MAP3K8: variants seen among roughly 807,000 people sequenced by gnomAD.
MAP3K8 encodes mitogen-activated protein kinase kinase kinase 8, also known as Ewing sarcoma transformant.
In MAP3K8, 22 loss-of-function variants were observed where a neutral mutation model predicts 45.8. The ratio of observed to expected loss-of-function variants is 0.48; its 90% confidence interval spans 0.34 to 0.69. MAP3K8 has a LOEUF of 0.69. Ranked by LOEUF, MAP3K8 falls within the 30% of genes least tolerant of loss-of-function variation. The pLI, the probability that MAP3K8 is intolerant of heterozygous loss-of-function variation, is 0.01. For synonymous variants in MAP3K8, 223 were observed against 214.3 expected (o/e 1.04, Z -0.36); for missense variants, 419 against 585.0 (o/e 0.72, Z 2.93).
chr10:30,459,154 G>T (rs1836845835), intron 7 of MAP3K8, 101 bp from the exon 8 acceptor site: 3 of 1,296,586 alleles, frequency 2.3e-6, no homozygotes, highest in Non-Finnish European at 3.3e-6. Flanking sequence ...AGGGCATGTG[G>T]TGGAAAACGG....
intron 1 of MAP3K8, among the ~76,000 whole-genome samples, chr10:30,435,115 A>T (rs1323590566): frequency 6.6e-6 from 1 of 152,240 alleles, no homozygotes; most frequent in African/African-American, 2.4e-5. Flanking sequence ...CTCCATAGTT[A>T]ACAGGGGAAG....
intron 4 of MAP3K8, among the ~76,000 whole-genome samples, chr10:30,448,400 G>A (rs1353595543): frequency 7.8e-6 from 1 of 128,924 alleles, no homozygotes; most frequent in Admixed American, 8.0e-5. Flanking sequence ...TGATTGAAAA[G>A]ACCCTATCCC....
chr10:30,451,855 A>G (rs1159806853), intron 6 of MAP3K8, 111 bp downstream of exon 6: 5 of 548,212 alleles, frequency 9.1e-6, no homozygotes, highest in Admixed American at 3.3e-5. Context: ...AACCCACTGC[A>G]TTAAATCATT....
Position 30,460,817 on chromosome 10 carries a change from CAA to C in MAP3K8, c.1386_1387del (p.Thr463AlafsTer2). On this transcript the variant is annotated frameshift_variant, in exon 9 of 9. Transcript: ENST00000263056. LOFTEE classifies it high-confidence loss of function. ...TACTTCAATCTTGTTCGGGGACCAC[CAA>C]CGCTTGAATATGGCTGAAGGATGCC... 1 of 1,613,792 alleles carries C rather than the reference CAA, an allele frequency of 6.2e-7. No homozygotes were observed.
intron 5 of MAP3K8, 114 bp from the exon 6 acceptor site, chr10:30,451,524 G>A (rs112402171): frequency 4.3e-5 from 23 of 536,172 alleles, no homozygotes; most frequent in African/African-American, 3.8e-4. Flanking sequence ...TCTCACTAGA[G>A]GAAGCATTTC....
At chr10:30,439,601 G>T (rs181343830) in intron 3 of MAP3K8, 104 of 412,868 alleles carry the variant, frequency 2.5e-4, no homozygotes, top group African/African-American at 1.7e-3. Flanking sequence ...CTTGAGGTCA[G>T]CAATTAGAGA....
chr10:30,438,595 T>G (rs1269294990), intron 2 of MAP3K8, among the ~76,000 whole-genome samples: 1 of 152,252 alleles, frequency 6.6e-6, no homozygotes. Flanking sequence ...CAAAGATTTC[T>G]GAGCTGCTCT....
At chr10:30,437,681 G>A (rs1835958760) in intron 2 of MAP3K8, among the ~76,000 whole-genome samples, 1 of 152,184 alleles carries the variant, frequency 6.6e-6, no homozygotes, top group Admixed American at 6.5e-5. Flanking sequence ...TCACTGAGAG[G>A]CAGATGGCTG....
chr10:30,443,498 A>G (rs570153795), intron 3 of MAP3K8, among the ~76,000 whole-genome samples: 3 of 152,230 alleles, frequency 2.0e-5, no homozygotes, highest in Admixed American at 6.5e-5. Flanking sequence ...GAATTGTACT[A>G]TTAACTCTCT....
At position 30,447,879 on chromosome 10, in the gene MAP3K8, C is replaced by T; in HGVS notation, c.434C>T (p.Pro145Leu). The change falls in exon 4 of 9, where the codon CCT (proline) becomes CTT (leucine). Residue 145 changes from proline (P) to leucine (L), a missense_variant. This residue lies in a region of MAP3K8 where 209 missense variants were observed against 367.3 expected (regional missense o/e 0.57). Coordinates refer to ENST00000263056, the MANE Select transcript of MAP3K8 (RefSeq NM_005204.4). ...AGGAATATTGGTTCTGATTTTATTCCTCGGGGCGCCTTTGGAAAGGTATAC... is the reference window on the plus strand; with the variant it reads ...AGGAATATTGGTTCTGATTTTATTCTTCGGGGCGCCTTTGGAAAGGTATAC... ...TYRNIGSDFIPRGAFGKVYLA... is the reference protein window; with the variant it reads ...TYRNIGSDFILRGAFGKVYLA... The T allele has an allele frequency of 6.2e-7, 1 of 1,613,824 alleles. No homozygotes were observed. Among genetic ancestry groups the T allele is most frequent in the Non-Finnish European group, 8.5e-7 (1 of 1,179,912 alleles).
chr10:30,454,519 T>A (rs1376175809), intron 6 of MAP3K8, among the ~76,000 whole-genome samples: 1 of 151,914 alleles, frequency 6.6e-6, no homozygotes, highest in Non-Finnish European at 1.5e-5. Context: ...GAGCTGTGAT[T>A]ATGCCACTGC....
chr10:30,461,139 T>G lies in MAP3K8; in HGVS notation c.*303T>G. 1 of 300,370 alleles carries G rather than the reference T, an allele frequency of 3.3e-6. No homozygotes were observed. Among genetic ancestry groups the G allele is most frequent in the Non-Finnish European group, 6.2e-6 (1 of 161,906 alleles). The allele number at this position is 300,370 out of a possible 1,614,324, so 18.6% of individuals were successfully genotyped here. The stretch of plus-strand genomic sequence containing the variant: ...TTCACTGTGCACTTTGCTCAAAATT[T>G]TAAAAATACCAATCACAAGGATAAT... On this transcript the variant is annotated 3_prime_UTR_variant, in exon 9 of 9. Transcript: ENST00000263056.
chr10:30,439,673 G>A (rs1218954912), intron 3 of MAP3K8, among the ~76,000 whole-genome samples: 1 of 152,134 alleles, frequency 6.6e-6, no homozygotes, highest in African/African-American at 2.4e-5. Flanking sequence ...GCCTGGCATG[G>A]TGGCGGGTGC....
chr10:30,446,173 G>A (rs781160339), intron 3 of MAP3K8, among the ~76,000 whole-genome samples: 4 of 152,164 alleles, frequency 2.6e-5, no homozygotes, highest in South Asian at 2.1e-4. Flanking sequence ...GATTATAGGC[G>A]TGAGCCACCG....
At chr10:30,435,024 A>G (rs1835868413) in intron 1 of MAP3K8, among the ~76,000 whole-genome samples, 1 of 152,164 alleles carries the variant, frequency 6.6e-6, no homozygotes, top group African/African-American at 2.4e-5. Context: ...ATTTTCACGG[A>G]AGTTGTTTTC....
At chr10:30,450,680 C>A (rs139071401) in intron 5 of MAP3K8, 161 bp downstream of exon 5, 3 of 632,786 alleles carry the variant, frequency 4.7e-6, no homozygotes, top group African/African-American at 3.7e-5. Context: ...TAGAATCATG[C>A]GGGGTTACTA....
rs372120772 is a variant in MAP3K8 at position 30,438,980 on chromosome 10, T to C, written c.42T>C (p.Ile14=). The C allele has an allele frequency of 3.7e-6, 6 of 1,612,324 alleles. No homozygotes were observed. In the Admixed American group the frequency reaches 5.0e-5, roughly 13 times the overall value. ...CTGGAAGTGACAATAAAGAAGAGATTGATTTATTAATTAAACATTTAAATG... is the reference window on the plus strand; with the variant it reads ...CTGGAAGTGACAATAAAGAAGAGATCGATTTATTAATTAAACATTTAAATG... ...MSTGSDNKEE[I]DLLIKHLNVS... Residue 14 remains isoleucine (I), a synonymous_variant, in exon 3 of 9, where the codon ATT becomes ATC. Transcript: ENST00000263056.
rs8176975 is a variant in MAP3K8, at chr10:30,440,905, G to A, written c.336+1631G>A. On this transcript the variant is annotated intron_variant, in intron 3 of 8. Transcript: ENST00000263056. ...TTGCTTGTAAATATGCAAAGACTTA[G>A]GTATGTTTGCTTATTCCGTGGCCTA... Among the ~76,000 whole-genome samples, 1,342 of 152,172 alleles carry A rather than the reference G, an allele frequency of 8.8e-3. 21 individuals carry two copies. The highest frequency in any genetic ancestry group is 0.031 in the African/African-American group (1,283 of 41,500).
At chr10:30,434,849 G>A in intron 1 of MAP3K8, 1 of 901,670 alleles carries the variant, frequency 1.1e-6, no homozygotes, top group Non-Finnish European at 1.3e-6. Context: ...AGAACCAGGA[G>A]GAAAGGAGTG....
Sources: gnomAD v4.1 joint callset for allele counts (sites outside exome capture counted in the v4.1 genomes callset) on GRCh38, gnomAD v4.1.1 for gene constraint, gnomAD v4.1.1 regional missense constraint, MANE v1.5 for transcripts, NCBI Gene and HGNC (gene_info 2026-07-23, HGNC 2026-07-21) for gene names.